DRC1: variants seen among roughly 807,000 people sequenced by gnomAD.
The protein encoded by DRC1 is dynein regulatory complex subunit 1, also known as dynein regulatory complex protein 1.
DRC1 carries 74 observed loss-of-function variants against 98.7 expected under a neutral mutation model. That is an observed-to-expected ratio of 0.75 (90% CI 0.62 to 0.91). The LOEUF (loss-of-function observed/expected upper bound fraction) is 0.91, where lower values mean the gene tolerates loss of function less well. DRC1 is among the 40% of genes least tolerant of loss of function. The pLI is 0.00. For missense variants in DRC1, 875 were observed against 886.0 expected, an observed-to-expected ratio of 0.99 and a Z score of 0.16; for synonymous variants, 336 against 334.1, an observed-to-expected ratio of 1.01 and a Z score of -0.06.
At chr2:26,440,789 AGCC>A (rs1461068402) in intron 8 of DRC1, among the ~76,000 whole-genome samples, 1 of 152,190 alleles carries the variant, frequency 6.6e-6, no homozygotes, top group Non-Finnish European at 1.5e-5. Context: ...GGCATATACA[AGCC>A]CACACAAATA....
intron 10 of DRC1, among the ~76,000 whole-genome samples, chr2:26,448,139 C>T (rs909910623): frequency 1.3e-5 from 2 of 149,830 alleles, no homozygotes; most frequent in Admixed American, 1.3e-4. Context: ...GGAGGAGAAT[C>T]ACTTGAACCC....
chr2:26,454,989 G>T lies in DRC1; in HGVS notation c.2064-142G>T, dbSNP rs1327913234. The T allele has an allele frequency of 2.5e-5, 33 of 1,326,428 alleles. No individual in the cohort carries two copies. In the Middle Eastern group the frequency reaches 5.6e-4, roughly 23 times the overall value. The allele number at this position is 1,326,428 out of a possible 1,614,324, so 82.2% of individuals were successfully genotyped here. On this transcript the variant is annotated intron_variant, in intron 15 of 16. Coordinates refer to ENST00000288710, the MANE Select transcript of DRC1 (RefSeq NM_145038.5). The surrounding 1 kb of genome is among the most constrained non-coding windows in gnomAD (Gnocchi z 5.2). ...TGCCTGTTCTGTTCCTGCTAACCTG[G>T]CTCACCTGGCGGCTGGGTGAAGAGT...
intron 1 of DRC1, among the ~76,000 whole-genome samples, chr2:26,409,224 C>T (rs941591073): frequency 6.6e-6 from 1 of 152,148 alleles, no homozygotes; most frequent in Non-Finnish European, 1.5e-5. Flanking sequence ...AGCCACTGTG[C>T]TCAGCCCCAT....
chr2:26,442,815 T>C (rs1426932527), intron 8 of DRC1, among the ~76,000 whole-genome samples: 2 of 152,148 alleles, frequency 1.3e-5, no homozygotes, highest in African/African-American at 4.8e-5. Flanking sequence ...CACTAAGAAC[T>C]CTGGACTTTT....
At chr2:26,444,114 C>A in intron 8 of DRC1, 108 bp from the exon 9 acceptor site, 1 of 1,500,258 alleles carries the variant, frequency 6.7e-7, no homozygotes, top group African/African-American at 1.4e-5. Flanking sequence ...TTCTGCTCTT[C>A]CACAGATCTG....
At chr2:26,426,532 A>G (rs943385323) in intron 4 of DRC1, among the ~76,000 whole-genome samples, 6 of 151,292 alleles carry the variant, frequency 4.0e-5, no homozygotes, top group Non-Finnish European at 8.8e-5. Flanking sequence ...ATGCCTGGCT[A>G]ATTTTTGCAT....
At position 26,405,629 on chromosome 2, in the gene DRC1, G is replaced by GT. The variant is rs924522712; in HGVS notation, c.155+3497dup. ...GCTATGATAATGGTATGGTGGTCTT[G>GT]TTTTTTTTTTTTAAAGGCTATATCT... On this transcript the variant is annotated intron_variant, in intron 1 of 16. Coordinates refer to ENST00000288710, the MANE Select transcript of DRC1 (RefSeq NM_145038.5). Among the ~76,000 whole-genome samples, 166 of 63,198 alleles carry GT rather than the reference G, an allele frequency of 2.6e-3. 1 individual carries two copies. The highest frequency in any genetic ancestry group is 8.8e-3 in the Middle Eastern group (1 of 114). The allele number at this position is 63,198 out of a possible 152,430, so 41.5% of individuals were successfully genotyped here.
At chr2:26,445,647 T>C (rs1663831066) in intron 10 of DRC1, among the ~76,000 whole-genome samples, 1 of 151,830 alleles carries the variant, frequency 6.6e-6, no homozygotes, top group Admixed American at 6.6e-5. Context: ...TCAGCCCTAG[T>C]AGTTATTTAT....
chr2:26,412,723 C>T (rs548740815), intron 1 of DRC1, among the ~76,000 whole-genome samples: 4 of 152,270 alleles, frequency 2.6e-5, no homozygotes, highest in Middle Eastern at 3.4e-3. Flanking sequence ...TGCTGTTATT[C>T]GTTTGTCATA....
chr2:26,441,496 T>C (rs1221938505), intron 8 of DRC1, among the ~76,000 whole-genome samples: 1 of 151,888 alleles, frequency 6.6e-6, no homozygotes, highest in African/African-American at 2.4e-5. Flanking sequence ...ATATGCACCG[T>C]ACTAGATAGC....
chr2:26,407,238 C>A (rs1678457374), intron 1 of DRC1, among the ~76,000 whole-genome samples: 1 of 152,000 alleles, frequency 6.6e-6, no homozygotes, highest in African/African-American at 2.4e-5. Context: ...AGACGCAAAT[C>A]CACAAAGTCA....
In DRC1 at chr2:26,402,076, C is replaced by G. The variant is rs768704103; in HGVS notation, c.87C>G (p.Ser29=). 9.9e-6 allele frequency: 16 copies of G among 1,613,258 alleles called. No homozygotes were observed. The South Asian group carries it at 1.5e-4, about 16-fold the overall frequency. The stretch of plus-strand genomic sequence containing the variant: ...AGATTCTCGCGCCCTCGGTCCACTC[C>G]GACAACTCTCAGGAGCGCATCCAGG... ...STQILAPSVH[S]DNSQERIQAR... is the part of the protein sequence containing the mutation. The change falls in exon 1 of 17, where the codon TCC becomes TCG. Residue 29 remains serine, a synonymous_variant. Coordinates refer to ENST00000288710, the MANE Select transcript of DRC1 (RefSeq NM_145038.5).
chr2:26,402,757 A>C (rs1216280885), intron 1 of DRC1, among the ~76,000 whole-genome samples: 1 of 152,224 alleles, frequency 6.6e-6, no homozygotes, highest in East Asian at 1.9e-4. Flanking sequence ...ATGACATGGC[A>C]GTCCCTGGGC....
At position 26,444,855 on chromosome 2, in the gene DRC1, C is replaced by T. The variant is rs752929042; in HGVS notation, c.1303C>T (p.Pro435Ser). ...TCATCTGGGGCTTCCCTGGGCAGCACCTGATTTCTGGTTCCTGAACAATGT... is the reference window on the plus strand; with the variant it reads ...TCATCTGGGGCTTCCCTGGGCAGCATCTGATTTCTGGTTCCTGAACAATGT... Reference protein sequence around the residue: ...THHLGLPWAAPDFWFLNNVGP... With the variant: ...THHLGLPWAASDFWFLNNVGP... Residue 435 changes from proline (P) to serine (S), a missense_variant, in exon 10 of 17, where the codon CCT becomes TCT. By Grantham distance (74) the Pro-to-Ser change is moderately conservative (BLOSUM62 -1). Coordinates refer to ENST00000288710, the MANE Select transcript of DRC1 (RefSeq NM_145038.5). 9.9e-6 allele frequency: 16 copies of T among 1,614,096 alleles called. No individual in the cohort carries two copies. Among genetic ancestry groups the T allele is most frequent in the Non-Finnish European group, 1.2e-5 (14 of 1,180,052 alleles).
intron 2 of DRC1, among the ~76,000 whole-genome samples, chr2:26,415,935 C>CAAAA (rs59566642): frequency 1.0e-5 from 1 of 98,376 alleles, no homozygotes; most frequent in Non-Finnish European, 2.2e-5. Flanking sequence ...CTTTCTCTTT[C>CAAAA]AAAAAAAAAA....
At chr2:26,431,378 C>T (rs552706126) in intron 6 of DRC1, among the ~76,000 whole-genome samples, 681 of 152,248 alleles carry the variant, frequency 4.5e-3, no homozygotes, top group Middle Eastern at 0.014. Flanking sequence ...GAGTACCACC[C>T]GGGCAGCTTG....
intron 2 of DRC1, among the ~76,000 whole-genome samples, chr2:26,420,640 T>TA: frequency 6.6e-6 from 1 of 152,192 alleles, no homozygotes; most frequent in East Asian, 1.9e-4. Flanking sequence ...GACAAAAACT[T>TA]ACCACAGTAG....
intron 16 of DRC1, 78 bp downstream of exon 16, chr2:26,455,311 C>T (rs771523172): frequency 1.7e-4 from 230 of 1,357,620 alleles, no homozygotes; most frequent in Non-Finnish European, 2.3e-4. Flanking sequence ...GATTAGGGAA[C>T]GAGGAGTCCC....
At chr2:26,449,493 C>T (rs1245229359) in intron 11 of DRC1, among the ~76,000 whole-genome samples, 1 of 152,268 alleles carries the variant, frequency 6.6e-6, no homozygotes, top group East Asian at 1.9e-4. Flanking sequence ...CTCCCCCAGG[C>T]ATCCCAGCTC....
Sources: gnomAD v4.1 joint callset for allele counts (sites outside exome capture counted in the v4.1 genomes callset) on GRCh38, gnomAD v4.1.1 for gene constraint, Gnocchi (gnomAD v3.1) non-coding constraint, MANE v1.5 for transcripts, NCBI Gene and HGNC (gene_info 2026-07-23, HGNC 2026-07-21) for gene names.